The following ADAMTSL1 variants were observed in gnomAD, a reference collection of about 807,000 sequenced individuals.
ADAMTSL1 encodes the protein ADAMTS like 1.
ADAMTSL1 carries 126 observed loss-of-function variants against 201.8 expected under a neutral mutation model. The ratio of observed to expected loss-of-function variants is 0.62; its 90% CI spans 0.54 to 0.72. The LOEUF is 0.72. Among genes scored for constraint, ADAMTSL1 ranks in the 30% least tolerant of loss-of-function variants. The probability of loss-of-function intolerance (pLI) is 0.00; values close to 1 mark genes in which losing one functional copy is unlikely to be tolerated. For synonymous variants in ADAMTSL1, 1,121 were observed against 903.4 expected, an observed-to-expected ratio of 1.24 and a Z score of -4.32; for missense variants, 2,679 against 2,277.8, an observed-to-expected ratio of 1.18 and a Z score of -3.59.
At chr9:17,935,257 C>A (rs1290446248) in intron 1 of ADAMTSL1, among the ~76,000 whole-genome samples, 1 of 152,126 alleles carries the variant, frequency 6.6e-6, no homozygotes, top group Non-Finnish European at 1.5e-5. Flanking sequence ...CCCACACCCT[C>A]CTTTCCTCCT....
intron 2 of ADAMTSL1, among the ~76,000 whole-genome samples, chr9:18,355,626 G>T (rs1219979647): frequency 6.6e-6 from 1 of 152,196 alleles, no homozygotes; most frequent in Non-Finnish European, 1.5e-5. Flanking sequence ...CAAAGGGAAT[G>T]TTAAAAGGGT....
chr9:18,456,189 C>T (rs560011776), intron 2 of ADAMTSL1, among the ~76,000 whole-genome samples: 2 of 152,274 alleles, frequency 1.3e-5, no homozygotes, highest in African/African-American at 2.4e-5. Context: ...CTCTGAACAG[C>T]TTTCAAGTTT....
At chr9:18,747,292 C>A (rs1269531032) in intron 15 of ADAMTSL1, among the ~76,000 whole-genome samples, 1 of 152,138 alleles carries the variant, frequency 6.6e-6, no homozygotes, top group African/African-American at 2.4e-5. Context: ...ACTTACAGTA[C>A]CTTTATCACT....
intron 19 of ADAMTSL1, 64 bp downstream of exon 19, chr9:18,777,970 A>G (rs1821162842): frequency 3.3e-6 from 5 of 1,506,484 alleles, no homozygotes; most frequent in East Asian, 4.6e-5. Flanking sequence ...CCCAAGTCAC[A>G]CTACTTACAC....
intron 2 of ADAMTSL1, among the ~76,000 whole-genome samples, chr9:18,189,613 A>G (rs1477634117): frequency 6.6e-6 from 1 of 152,158 alleles, no homozygotes; most frequent in Non-Finnish European, 1.5e-5. Context: ...AGTTTGAAAT[A>G]TGTATGCCCT....
At chr9:18,190,594 G>A (rs180930291) in intron 2 of ADAMTSL1, among the ~76,000 whole-genome samples, 1 of 152,094 alleles carries the variant, frequency 6.6e-6, no homozygotes, top group Non-Finnish European at 1.5e-5. Context: ...TTGATTTCTC[G>A]CACTGAGTCT....
intron 2 of ADAMTSL1, among the ~76,000 whole-genome samples, chr9:18,347,147 A>C (rs968766049): frequency 6.6e-6 from 1 of 152,072 alleles, no homozygotes; most frequent in Non-Finnish European, 1.5e-5. Flanking sequence ...GTGAATGGTC[A>C]CCCCACTTGT....
At chr9:18,236,519 A>G (rs1383898931) in intron 2 of ADAMTSL1, among the ~76,000 whole-genome samples, 1 of 152,250 alleles carries the variant, frequency 6.6e-6, no homozygotes, top group East Asian at 1.9e-4. Context: ...GCAGTAGTAC[A>G]TAAACCTGCT....
intron 21 of ADAMTSL1, among the ~76,000 whole-genome samples, chr9:18,825,791 G>A (rs969817620): frequency 3.3e-5 from 5 of 151,190 alleles, no homozygotes; most frequent in South Asian, 2.1e-4. Context: ...TTTTACTTAC[G>A]GAAAGGAAAT....
intron 1 of ADAMTSL1, among the ~76,000 whole-genome samples, chr9:17,942,785 A>G (rs1827294175): frequency 6.6e-6 from 1 of 152,200 alleles, no homozygotes; most frequent in African/African-American, 2.4e-5. Context: ...CACTGGTGAC[A>G]TAATTAGGTA....
chr9:18,376,753 C>T (rs1837313601), intron 2 of ADAMTSL1, among the ~76,000 whole-genome samples: 1 of 152,082 alleles, frequency 6.6e-6, no homozygotes, highest in African/African-American at 2.4e-5. Flanking sequence ...TTGCAGTGAG[C>T]CAAGATCGCA....
intron 1 of ADAMTSL1, among the ~76,000 whole-genome samples, chr9:18,029,592 C>T (rs1820849917): frequency 6.6e-6 from 1 of 151,978 alleles, no homozygotes; most frequent in Middle Eastern, 3.2e-3. Flanking sequence ...AAAGAAACTA[C>T]CATCAGAGTG....
chr9:18,377,768 A>C (rs1404423293), intron 2 of ADAMTSL1, among the ~76,000 whole-genome samples: 1 of 152,130 alleles, frequency 6.6e-6, no homozygotes, highest in Non-Finnish European at 1.5e-5. Context: ...GGATTTCACC[A>C]TGTTGGCCAG....
intron 17 of ADAMTSL1, among the ~76,000 whole-genome samples, chr9:18,773,959 C>T (rs1170690144): frequency 2.0e-5 from 3 of 152,220 alleles, no homozygotes; most frequent in Non-Finnish European, 4.4e-5. Context: ...TCACCACTAT[C>T]CTTTGCATCT....
chr9:18,036,428 A>G (rs1469362645), intron 1 of ADAMTSL1, among the ~76,000 whole-genome samples: 3 of 152,192 alleles, frequency 2.0e-5, no homozygotes, highest in Non-Finnish European at 4.4e-5. Flanking sequence ...CTGGATAAAT[A>G]CTTTGTAAAG....
chr9:17,998,702 G>T (rs1477438418), intron 1 of ADAMTSL1, among the ~76,000 whole-genome samples: 2 of 152,024 alleles, frequency 1.3e-5, no homozygotes, highest in South Asian at 4.1e-4. Flanking sequence ...CCATGGCATG[G>T]GTTGGTGGAT....
intron 2 of ADAMTSL1, among the ~76,000 whole-genome samples, chr9:18,263,608 G>T (rs1461094801): frequency 2.6e-5 from 4 of 152,184 alleles, no homozygotes; most frequent in African/African-American, 7.2e-5. Flanking sequence ...TGGACTGAAA[G>T]TTTCTGTCCC....
At chr9:18,292,481 G>T (rs1163590539) in intron 2 of ADAMTSL1, among the ~76,000 whole-genome samples, 1 of 152,208 alleles carries the variant, frequency 6.6e-6, no homozygotes, top group Admixed American at 6.5e-5. Context: ...TCCTGGGTGT[G>T]TCTGTGAGGG....
chr9:18,856,494 C>T lies in ADAMTSL1; in HGVS notation c.4249+26517C>T, dbSNP rs578125704. ...TTTTTTTTTTTTTGAGACGGAGTCT[C>T]GCTCTGTCGCCCAGGCTAGAGTGCA... On this transcript the variant is annotated intron_variant, in intron 23 of 28. Transcript: ENST00000380548. Among the ~76,000 whole-genome samples the T allele has an allele frequency of 2.1e-4, 24 of 116,060 alleles. 1 individual carries two copies. The highest frequency in any genetic ancestry group is 1.7e-3 in the East Asian group (6 of 3,614). 76.1% of individuals were successfully genotyped at this position (116,060 alleles called of 152,430 possible).
Sources: gnomAD v4.1 joint callset for allele counts (sites outside exome capture counted in the v4.1 genomes callset) on GRCh38, gnomAD v4.1.1 for gene constraint, MANE v1.5 for transcripts, NCBI Gene and HGNC (gene_info 2026-07-23, HGNC 2026-07-21) for gene names.